Variants in KCNH1 observed in about 807,000 individuals in gnomAD.
The protein encoded by KCNH1 is voltage-gated delayed rectifier potassium channel KCNH1.
A neutral mutation model predicts 69.2 loss-of-function variants in KCNH1; 27 were observed. The ratio of observed to expected loss-of-function variants is 0.39; its 90% confidence interval spans 0.29 to 0.54. The LOEUF (loss-of-function observed/expected upper bound fraction) is 0.54. KCNH1 is among the 20% of genes least tolerant of loss of function. The pLI is 0.68. For missense variants in KCNH1, 798 were observed against 1,261.6 expected (o/e 0.63, Z 5.57); for synonymous variants, 456 against 487.7 (o/e 0.93, Z 0.86).
intron 5 of KCNH1, among the ~76,000 whole-genome samples, chr1:211,056,892 C>T (rs908772942): frequency 4.6e-5 from 7 of 152,150 alleles, no homozygotes; most frequent in African/African-American, 1.7e-4. Flanking sequence ...ACACCCAAAT[C>T]CCTTTGAATA....
rs138330679 is a variant in KCNH1 at position 210,974,843 on chromosome 1, T to A, written c.1032+43940A>T. On this transcript the variant is annotated intron_variant, in intron 6 of 10. Coordinates refer to ENST00000271751, the MANE Select transcript of KCNH1 (RefSeq NM_172362.3). ...TCCCAAAGTGCTAGGATTACAGGTGTGAGCCACCACACCTGGCCCTTCCTC... is the reference window on the plus strand; with the variant it reads ...TCCCAAAGTGCTAGGATTACAGGTGAGAGCCACCACACCTGGCCCTTCCTC... Among the ~76,000 whole-genome samples the A allele has an allele frequency of 5.1e-3, 783 of 152,202 alleles. 7 individuals are homozygous for A. Among genetic ancestry groups the A allele is most frequent in the African/African-American group, 0.018 (749 of 41,532 alleles).
chr1:210,988,219 C>T (rs1462583044), intron 6 of KCNH1, among the ~76,000 whole-genome samples: 3 of 152,168 alleles, frequency 2.0e-5, no homozygotes, highest in Non-Finnish European at 4.4e-5. Context: ...TTCCCTGACC[C>T]CTTGTGCTTC....
intron 6 of KCNH1, among the ~76,000 whole-genome samples, chr1:210,949,783 T>C (rs1008459042): frequency 6.6e-6 from 1 of 152,214 alleles, no homozygotes; most frequent in Admixed American, 6.5e-5. Context: ...TTTGGCACAT[T>C]CCAAGCTGGT....
intron 7 of KCNH1, among the ~76,000 whole-genome samples, chr1:210,881,750 T>G (rs912405459): frequency 6.6e-6 from 1 of 152,186 alleles, no homozygotes; most frequent in African/African-American, 2.4e-5. Flanking sequence ...GAAACTTAAA[T>G]GTACATTGCT....
At chr1:210,941,674 C>A (rs1269692754) in intron 6 of KCNH1, among the ~76,000 whole-genome samples, 1 of 152,118 alleles carries the variant, frequency 6.6e-6, no homozygotes, top group Non-Finnish European at 1.5e-5. Flanking sequence ...GAAGTCAAAG[C>A]TGGTTCCCAA....
rs577034443 is a variant in KCNH1 at position 210,843,834 on chromosome 1, C to G, written c.1463-39668G>C. 3.6e-4 allele frequency among the ~76,000 whole-genome samples: 55 copies of G among 152,296 alleles called. 1 individual carries two copies. The South Asian group carries it at 0.011, about 30-fold the overall frequency. On this transcript the variant is annotated intron_variant, in intron 7 of 10. Coordinates refer to ENST00000271751, the MANE Select transcript of KCNH1 (RefSeq NM_172362.3). ...GAGCACAGATAGACTAAGAAGATGA[C>G]TTGTCTTTATCTGTACCTCACATAC...
intron 6 of KCNH1, among the ~76,000 whole-genome samples, chr1:210,938,545 G>T (rs1574349603): frequency 6.6e-6 from 1 of 152,278 alleles, no homozygotes; most frequent in South Asian, 2.1e-4. Flanking sequence ...TAGCAAATGA[G>T]ACTCTTCGTA....
chr1:210,766,834 T>C (rs1369509506), intron 10 of KCNH1, among the ~76,000 whole-genome samples: 1 of 152,218 alleles, frequency 6.6e-6, no homozygotes, highest in Non-Finnish European at 1.5e-5. Context: ...TGGAATAGAT[T>C]CTTTATGTGA....
At chr1:210,787,521 C>A (rs912564148) in intron 9 of KCNH1, among the ~76,000 whole-genome samples, 1 of 152,108 alleles carries the variant, frequency 6.6e-6, no homozygotes, top group Non-Finnish European at 1.5e-5. Context: ...GTACCTGATG[C>A]GTTTCACATC....
chr1:211,053,434 G>A (rs77084500), intron 5 of KCNH1, among the ~76,000 whole-genome samples: 2,455 of 152,242 alleles, frequency 0.016, 68 homozygotes, highest in African/African-American at 0.056. Flanking sequence ...TGCACTATAG[G>A]AGACATGAGG....
chr1:211,018,154 A>G (rs546775771), intron 6 of KCNH1, among the ~76,000 whole-genome samples: 2 of 152,180 alleles, frequency 1.3e-5, no homozygotes, highest in South Asian at 4.2e-4. Flanking sequence ...CAGAATTTTG[A>G]CTTTTCTTTG....
chr1:210,792,300 C>G (rs1684226182), intron 9 of KCNH1, among the ~76,000 whole-genome samples: 1 of 152,180 alleles, frequency 6.6e-6, no homozygotes. Flanking sequence ...CCTGTCAACC[C>G]CCTTTCTAAA....
rs370185149 is a variant in KCNH1 at position 211,103,555 on chromosome 1, C to T, written c.251G>A (p.Arg84Gln). 138 of 1,613,438 alleles carry T rather than the reference C, an allele frequency of 8.6e-5. No homozygotes were observed. Among genetic ancestry groups the T allele is most frequent in the Middle Eastern group, 1.7e-4 (1 of 6,054 alleles). ...LTDKDTIEKV[R>Q]QTFENYEMNS... Reference sequence around the variant, plus strand: ...CATCTCATAGTTCTCAAATGTTTGCCGCACTTTTTCAATCGTGTCTTTATC... The same window carrying T: ...CATCTCATAGTTCTCAAATGTTTGCTGCACTTTTTCAATCGTGTCTTTATC... The change falls in exon 3 of 11, where the codon CGG becomes CAG. Residue 84 changes from arginine (R) to glutamine (Q), a missense_variant. By Grantham distance (43) the Arg-to-Gln change is conservative. This residue lies in a region of KCNH1 where 266 missense variants were observed against 457.2 expected (regional missense o/e 0.58). Coordinates refer to ENST00000271751, the MANE Select transcript of KCNH1 (RefSeq NM_172362.3).
intron 6 of KCNH1, among the ~76,000 whole-genome samples, chr1:210,955,146 T>G (rs907878364): frequency 6.6e-5 from 10 of 152,244 alleles, no homozygotes; most frequent in Non-Finnish European, 1.2e-4. Flanking sequence ...CAGCACCATT[T>G]ATTAAACAGG....
At position 210,891,765 on chromosome 1, in the gene KCNH1, G is replaced by C. The variant is rs988959591; in HGVS notation, c.1462+27875C>G. On this transcript the variant is annotated intron_variant, in intron 7 of 10. Coordinates refer to ENST00000271751, the MANE Select transcript of KCNH1 (RefSeq NM_172362.3). ...TTCTACTATAAAGACTCATGCACATGTATGTTTATTGCAGCACTATTCACA... is the reference window on the plus strand; with the variant it reads ...TTCTACTATAAAGACTCATGCACATCTATGTTTATTGCAGCACTATTCACA... Among the ~76,000 whole-genome samples the C allele has an allele frequency of 2.0e-5, 3 of 152,080 alleles. No individual in the cohort carries two copies. The East Asian group carries it at 5.8e-4, about 29-fold the overall frequency.
intron 9 of KCNH1, among the ~76,000 whole-genome samples, chr1:210,790,333 T>C (rs547557392): frequency 6.6e-6 from 1 of 152,118 alleles, no homozygotes; most frequent in Non-Finnish European, 1.5e-5. Flanking sequence ...AAGCTCACCG[T>C]TATCTCTCTC....
chr1:211,049,677 C>G (rs374472199), intron 5 of KCNH1, among the ~76,000 whole-genome samples: 1 of 152,038 alleles, frequency 6.6e-6, no homozygotes, highest in Non-Finnish European at 1.5e-5. Flanking sequence ...CTGGAAGGGG[C>G]CAGTATGGAG....
At chr1:211,091,130 G>C (rs73073500) in intron 3 of KCNH1, among the ~76,000 whole-genome samples, 1 of 152,152 alleles carries the variant, frequency 6.6e-6, no homozygotes, top group Non-Finnish European at 1.5e-5. Flanking sequence ...AAGGATCCCA[G>C]GGTCAAAATC....
At chr1:210,705,854 A>C (rs541256559) in intron 10 of KCNH1, among the ~76,000 whole-genome samples, 16 of 152,222 alleles carry the variant, frequency 1.1e-4, no homozygotes, top group Admixed American at 2.0e-4. Context: ...CCTCGATCCT[A>C]ATCCCACTCT....
Sources: gnomAD v4.1 joint callset for allele counts (sites outside exome capture counted in the v4.1 genomes callset) on GRCh38, gnomAD v4.1.1 for gene constraint, gnomAD v4.1.1 regional missense constraint, MANE v1.5 for transcripts, NCBI Gene and HGNC (gene_info 2026-07-23, HGNC 2026-07-21) for gene names.